Variants in METTL15 observed in about 807,000 individuals in gnomAD.
The protein encoded by METTL15 is 12S rRNA N(4)-cytidine methyltransferase METTL15.
METTL15 carries 34 observed loss-of-function variants against 38.3 expected under a neutral mutation model. The observed-to-expected ratio is 0.89, with a 90% confidence interval of 0.68 to 1.18. METTL15 has a LOEUF of 1.18. METTL15 is among the 50% of genes most tolerant of loss of function. The probability of loss-of-function intolerance (pLI) is 0.00; values close to 1 mark genes in which losing one functional copy is unlikely to be tolerated. For synonymous variants in METTL15, 162 were observed against 170.9 expected, an observed-to-expected ratio of 0.95 and a Z score of 0.41; for missense variants, 438 against 498.4, an observed-to-expected ratio of 0.88 and a Z score of 1.15.
At chr11:28,222,598 T>C (rs1238123215) in intron 4 of METTL15, among the ~76,000 whole-genome samples, 1 of 152,200 alleles carries the variant, frequency 6.6e-6, no homozygotes. Context: ...GAGATGAACC[T>C]GGTACCTCAG....
At chr11:28,272,353 T>G (rs1855677723) in intron 4 of METTL15, among the ~76,000 whole-genome samples, 1 of 151,868 alleles carries the variant, frequency 6.6e-6, no homozygotes, top group African/African-American at 2.4e-5. Context: ...ATAAAGAAAA[T>G]GTGGCACATA....
intron 4 of METTL15, among the ~76,000 whole-genome samples, chr11:28,241,424 C>T (rs1389972014): frequency 5.3e-5 from 8 of 151,902 alleles, no homozygotes; most frequent in Non-Finnish European, 1.0e-4. Flanking sequence ...GCCCCAGCTA[C>T]TCGGGAGGCT....
intron 6 of METTL15, among the ~76,000 whole-genome samples, chr11:28,437,260 C>T (rs563545033): frequency 7.9e-5 from 12 of 152,248 alleles, no homozygotes; most frequent in African/African-American, 2.4e-4. Flanking sequence ...TCATGGGAGT[C>T]GATTCTCCTT....
At chr11:28,480,060 A>AT (rs1851382708) in intron 6 of METTL15, among the ~76,000 whole-genome samples, 1 of 152,214 alleles carries the variant, frequency 6.6e-6, no homozygotes, top group Non-Finnish European at 1.5e-5. Context: ...AATTTTACTC[A>AT]TTTGTCAGTG....
At chr11:28,525,324 G>A (rs1851801017) in intron 6 of METTL15, among the ~76,000 whole-genome samples, 1 of 152,082 alleles carries the variant, frequency 6.6e-6, no homozygotes, top group South Asian at 2.1e-4. Flanking sequence ...GTTTTGACAG[G>A]GTGCTGATTG....
At chr11:28,308,892 G>GTAGATAGATGGA (rs1555031568) in intron 6 of METTL15, among the ~76,000 whole-genome samples, 3 of 146,896 alleles carry the variant, frequency 2.0e-5, no homozygotes, top group Non-Finnish European at 3.0e-5. Flanking sequence ...AGGTAGGTAG[G>GTAGATAGATGGA]TAGATAGATA....
chr11:28,356,419 G>A (rs567631264), intron 4 of METTL15, among the ~76,000 whole-genome samples: 16 of 152,240 alleles, frequency 1.1e-4, no homozygotes, highest in Admixed American at 1.0e-3. Context: ...ACAAGTATAT[G>A]GGAAGGTTAG....
chr11:28,119,651 A>G (rs1388147579), intron 3 of METTL15, among the ~76,000 whole-genome samples: 1 of 152,180 alleles, frequency 6.6e-6, no homozygotes, highest in Non-Finnish European at 1.5e-5. Flanking sequence ...ATTACTTTTT[A>G]TAATTATTAG....
intron 3 of METTL15, among the ~76,000 whole-genome samples, chr11:28,154,763 A>T (rs1016927121): frequency 6.6e-6 from 1 of 152,110 alleles, no homozygotes. Context: ...ATGCCTGATT[A>T]TATAGTATGT....
chr11:28,232,932 A>C (rs2133885445), intron 4 of METTL15, among the ~76,000 whole-genome samples: 1 of 152,182 alleles, frequency 6.6e-6, no homozygotes, highest in Admixed American at 6.6e-5. Context: ...TTATTAATAT[A>C]GCAGCATACA....
chr11:28,432,676 A>G (rs1243423520), intron 6 of METTL15, among the ~76,000 whole-genome samples: 1 of 152,254 alleles, frequency 6.6e-6, no homozygotes, highest in Non-Finnish European at 1.5e-5. Flanking sequence ...TATCGAACTC[A>G]TAGTGTTTCC....
intron 6 of METTL15, among the ~76,000 whole-genome samples, chr11:28,462,891 G>A (rs868218237): frequency 1.4e-4 from 22 of 152,100 alleles, no homozygotes; most frequent in South Asian, 2.1e-4. Flanking sequence ...AATTTATGAA[G>A]GGTTCTGTAT....
downstream of METTL15, among the ~76,000 whole-genome samples, chr11:28,333,944 T>G (rs1849876625): frequency 6.6e-6 from 1 of 151,954 alleles, no homozygotes; most frequent in South Asian, 2.1e-4. Context: ...TTTTTAAAAT[T>G]TTTGTTTCTA....
At position 28,353,051 on chromosome 11, in the gene METTL15, A is replaced by G. The variant is rs1299004511; in HGVS notation, c.*258+893A>G. Among the ~76,000 whole-genome samples, 3 of 152,186 alleles carry G rather than the reference A, an allele frequency of 2.0e-5. No homozygotes were observed. In the East Asian group the frequency reaches 5.8e-4, roughly 29 times the overall value. The stretch of plus-strand genomic sequence containing the variant: ...AAAATTAGAACATCACTATGAAAGC[A>G]GGATTTAAGTGTCATACAGCCATAT... On this transcript the variant is annotated intron_variant and NMD_transcript_variant, in intron 4 of 7. Coordinates refer to the METTL15 transcript ENST00000532947.
chr11:28,271,842 A>C (rs750494294), intron 4 of METTL15, among the ~76,000 whole-genome samples: 1 of 152,204 alleles, frequency 6.6e-6, no homozygotes, highest in African/African-American at 2.4e-5. Context: ...GCTAATATCC[A>C]TAATCTACAA....
rs1393952294 is a variant in METTL15, at chr11:28,346,351, A to AT, written c.*190-5732dup. Among the ~76,000 whole-genome samples the AT allele has an allele frequency of 1.3e-5, 2 of 152,270 alleles. 1 individual carries two copies. The highest frequency in any genetic ancestry group is 4.1e-4 in the South Asian group (2 of 4,820). On this transcript the variant is annotated intron_variant and NMD_transcript_variant, in intron 3 of 7. Transcript: ENST00000532947. ...CTAGCAGTTAATAAATGTAAATAAG[A>AT]TTTTTTTAAAATGTGGCTACAATAT...
At chr11:28,208,493 G>A (rs962892135) in intron 3 of METTL15, among the ~76,000 whole-genome samples, 4 of 152,038 alleles carry the variant, frequency 2.6e-5, no homozygotes, top group Non-Finnish European at 4.4e-5. Context: ...TATAATTTCT[G>A]TTCTTTTACA....
chr11:28,423,917 A>T (rs909058142), intron 5 of METTL15, among the ~76,000 whole-genome samples: 6 of 152,062 alleles, frequency 3.9e-5, no homozygotes, highest in African/African-American at 1.4e-4. Context: ...ATGCACTCTG[A>T]TGTGATTATT....
At chr11:28,460,533 C>T (rs12279562) in intron 6 of METTL15, among the ~76,000 whole-genome samples, 3 of 152,058 alleles carry the variant, frequency 2.0e-5, no homozygotes, top group Non-Finnish European at 4.4e-5. Flanking sequence ...TTGGCCTCAG[C>T]AACAACCTTC....
Sources: allele counts gnomAD v4.1 joint callset (sites outside exome capture counted in the v4.1 genomes callset), GRCh38; gene constraint gnomAD v4.1.1; transcripts MANE v1.5; gene names NCBI Gene and HGNC (gene_info 2026-07-23, HGNC 2026-07-21).